The following SLC1A2 variants were observed in gnomAD, a reference collection of about 807,000 sequenced individuals.
The protein encoded by SLC1A2 is solute carrier family 1 member 2.
A neutral mutation model predicts 48.8 loss-of-function variants in SLC1A2; 15 were observed. That is an observed-to-expected ratio of 0.31 (90% CI 0.21 to 0.47). SLC1A2 has a LOEUF of 0.47. SLC1A2 is among the 20% of genes least tolerant of loss of function. The probability of loss-of-function intolerance (pLI) is 0.99; values close to 1 mark genes in which losing one functional copy is unlikely to be tolerated. For synonymous variants in SLC1A2, 279 were observed against 272.6 expected (o/e 1.02, Z -0.23); for missense variants, 502 against 730.5 (o/e 0.69, Z 3.61).
At chr11:35,379,177 C>T (rs749987571) in intron 1 of SLC1A2, among the ~76,000 whole-genome samples, 4 of 152,042 alleles carry the variant, frequency 2.6e-5, no homozygotes, top group Admixed American at 6.5e-5. Context: ...TGCAGTGAGA[C>T]GAGATCATGC....
At chr11:35,360,250 G>T in intron 1 of SLC1A2, 1 of 172,512 alleles carries the variant, frequency 5.8e-6, no homozygotes, top group Non-Finnish European at 1.2e-5. Flanking sequence ...TGTTTGTTTG[G>T]ACATTGTGTA....
intron 1 of SLC1A2, among the ~76,000 whole-genome samples, chr11:35,347,414 G>C (rs558526963): frequency 6.6e-6 from 1 of 152,202 alleles, no homozygotes; most frequent in Non-Finnish European, 1.5e-5. Context: ...CCAGAAAAAG[G>C]ATCACAAGCA....
intron 1 of SLC1A2, among the ~76,000 whole-genome samples, chr11:35,374,664 G>C (rs1267848260): frequency 6.6e-6 from 1 of 152,198 alleles, no homozygotes; most frequent in African/African-American, 2.4e-5. Context: ...GGGTTGGTTG[G>C]ACACCACTGG....
At chr11:35,306,714 GTTATCTATT>G (rs1275700434) in intron 4 of SLC1A2, among the ~76,000 whole-genome samples, 17 of 151,884 alleles carry the variant, frequency 1.1e-4, no homozygotes, top group Non-Finnish European at 2.2e-4. Flanking sequence ...CCTAGCCTCT[GTTATCTATT>G]TTTCCACTAT....
intron 4 of SLC1A2, among the ~76,000 whole-genome samples, chr11:35,311,663 C>T (rs943565391): frequency 4.6e-5 from 7 of 152,024 alleles, no homozygotes; most frequent in Admixed American, 3.9e-4. Flanking sequence ...TACCCAAGCT[C>T]CAGATTCATC....
intron 8 of SLC1A2, among the ~76,000 whole-genome samples, chr11:35,284,087 T>TTTTATATATATATATA (rs1554993896): frequency 8.6e-6 from 1 of 115,900 alleles, no homozygotes. Context: ...GAAGATTTTA[T>TTTTATATATATATATA]TATATATATA....
chr11:35,414,011 G>A (rs140474334), intron 1 of SLC1A2, among the ~76,000 whole-genome samples: 1 of 152,302 alleles, frequency 6.6e-6, no homozygotes, highest in East Asian at 1.9e-4. Context: ...CTAGAGACCA[G>A]GATTGACACA....
chr11:35,267,445 T>C (rs1850126386), intron 9 of SLC1A2, among the ~76,000 whole-genome samples: 1 of 152,162 alleles, frequency 6.6e-6, no homozygotes, highest in Non-Finnish European at 1.5e-5. Context: ...CTCAAAAAAA[T>C]TATTTATTCT....
chr11:35,263,380 A>C (rs1170751747), intron 10 of SLC1A2, among the ~76,000 whole-genome samples: 1 of 152,178 alleles, frequency 6.6e-6, no homozygotes, highest in Non-Finnish European at 1.5e-5. Context: ...AGGCAGGAGA[A>C]TTGCTTGAAC....
At chr11:35,417,249 G>T (rs1384071627) in intron 1 of SLC1A2, among the ~76,000 whole-genome samples, 1 of 152,242 alleles carries the variant, frequency 6.6e-6, no homozygotes, top group African/African-American at 2.4e-5. Context: ...GCTCTACATT[G>T]AATGTCACAT....
Position 35,251,924 on chromosome 11 carries a change from ATG to A in SLC1A2, c.*8968_*8969del, listed in dbSNP as rs2134549074. On this transcript the variant is annotated 3_prime_UTR_variant, in exon 11 of 11. Transcript: ENST00000278379. Reference sequence around the variant, plus strand: ...TTGTATTTAGCGATAATTATACAGAATGTGTGTTTTAGGAGGCAACTGTAAAC... The same window carrying A: ...TTGTATTTAGCGATAATTATACAGAATGTGTTTTAGGAGGCAACTGTAAAC... 1 of 152,722 alleles carries A rather than the reference ATG, an allele frequency of 6.5e-6. No individual in the cohort carries two copies. Among genetic ancestry groups the A allele is most frequent in the Non-Finnish European group, 1.5e-5 (1 of 68,026 alleles). The allele number at this position is 152,722 out of a possible 1,614,324, so 9.5% of individuals were successfully genotyped here. A position where few individuals can be genotyped will look rare whatever the true frequency, so the allele number is the denominator to read the frequency against.
chr11:35,367,821 C>T (rs1438255092), intron 1 of SLC1A2, among the ~76,000 whole-genome samples: 2 of 152,212 alleles, frequency 1.3e-5, no homozygotes, highest in Admixed American at 6.5e-5. Flanking sequence ...ATTCTTTGTA[C>T]TCCAGTAAGT....
chr11:35,295,545 G>A (rs1396102805), intron 6 of SLC1A2, among the ~76,000 whole-genome samples: 1 of 152,236 alleles, frequency 6.6e-6, no homozygotes, highest in Non-Finnish European at 1.5e-5. Flanking sequence ...AGTGCATAAA[G>A]AGGCTGAGGG....
At chr11:35,330,516 C>G (rs1002363155) in intron 1 of SLC1A2, among the ~76,000 whole-genome samples, 2 of 152,068 alleles carry the variant, frequency 1.3e-5, no homozygotes, top group African/African-American at 4.8e-5. Context: ...TGTCCTAATC[C>G]CCAGAACCTG....
At chr11:35,399,951 G>A (rs575761187) in intron 1 of SLC1A2, among the ~76,000 whole-genome samples, 1 of 152,268 alleles carries the variant, frequency 6.6e-6, no homozygotes, top group East Asian at 1.9e-4. Flanking sequence ...TTTTTGTTTA[G>A]CCTAAACCTG....
intron 1 of SLC1A2, among the ~76,000 whole-genome samples, chr11:35,343,806 G>GCA (rs199618679): frequency 6.6e-6 from 1 of 150,990 alleles, no homozygotes; most frequent in Non-Finnish European, 1.5e-5. Context: ...ACACACAGAG[G>GCA]CACACACACA....
At chr11:35,348,892 C>CAAAA (rs397752034) in intron 1 of SLC1A2, among the ~76,000 whole-genome samples, 7 of 78,436 alleles carry the variant, frequency 8.9e-5, no homozygotes, top group Admixed American at 1.6e-4. Flanking sequence ...GACCTGGTCT[C>CAAAA]AAAAAAAAAA....
Position 35,258,965 on chromosome 11 carries a change from A to ATGCAT in SLC1A2, c.*1924_*1928dup, listed in dbSNP as rs1311233466. 6.6e-6 allele frequency: 1 copy of ATGCAT among 150,930 alleles called. No homozygotes were observed. The highest frequency in any genetic ancestry group is 1.5e-5 in the Non-Finnish European group (1 of 67,856). 9.3% of individuals were successfully genotyped at this position (150,930 alleles called of 1,614,324 possible). A position where few individuals can be genotyped will look rare whatever the true frequency, so the allele number is the denominator to read the frequency against. On this transcript the variant is annotated 3_prime_UTR_variant, in exon 11 of 11. Coordinates refer to ENST00000278379, the MANE Select transcript of SLC1A2 (RefSeq NM_004171.4). ...GTCTAAAAAAAAAAAAAAAAAAAGA[A>ATGCAT]TGCATTTTCTACTACTACACTTAAT...
At position 35,286,970 on chromosome 11, in the gene SLC1A2, A is replaced by G; in HGVS notation, c.1092-19T>C. ...TCCAGCACTGAGAACAAAGAGAAAGAGAGAGACAGGGTTATGTCCACTTTA... is the reference window on the plus strand; with the variant it reads ...TCCAGCACTGAGAACAAAGAGAAAGGGAGAGACAGGGTTATGTCCACTTTA... On this transcript the variant is annotated intron_variant, in intron 7 of 10. Coordinates refer to ENST00000278379, the MANE Select transcript of SLC1A2 (RefSeq NM_004171.4). The G allele has an allele frequency of 6.2e-7, 1 of 1,606,016 alleles. No homozygotes were observed. Among genetic ancestry groups the G allele is most frequent in the Non-Finnish European group, 8.5e-7 (1 of 1,172,958 alleles).
Sources: gnomAD v4.1 joint callset for allele counts (sites outside exome capture counted in the v4.1 genomes callset) on GRCh38, gnomAD v4.1.1 for gene constraint, MANE v1.5 for transcripts, NCBI Gene and HGNC (gene_info 2026-07-23, HGNC 2026-07-21) for gene names.